Variants in ATP8B3 observed in about 807,000 individuals in gnomAD.
The protein encoded by ATP8B3 is phospholipid-transporting ATPase IK.
In ATP8B3, 141 loss-of-function variants were observed where a neutral mutation model predicts 140.9. The ratio of observed to expected loss-of-function variants is 1.00; its 90% CI spans 0.87 to 1.15. The LOEUF (loss-of-function observed/expected upper bound fraction) is 1.15. ATP8B3 is among the 50% of genes most tolerant of loss of function. The pLI, the probability that ATP8B3 is intolerant of heterozygous loss-of-function variation, is 0.00. For synonymous variants in ATP8B3, 765 were observed against 714.6 expected, an observed-to-expected ratio of 1.07 and a Z score of -1.13; for missense variants, 1,874 against 1,740.6, an observed-to-expected ratio of 1.08 and a Z score of -1.36.
chr19:1,786,000 G>C (rs939256159), intron 25 of ATP8B3, among the ~76,000 whole-genome samples: 1 of 152,062 alleles, frequency 6.6e-6, no homozygotes, highest in African/African-American at 2.4e-5. Flanking sequence ...GGGTGTGGTG[G>C]TGCGCACCTG....
rs969809845 is a variant in ATP8B3, at chr19:1,782,770, A to G, written c.*258T>C. The G allele has an allele frequency of 7.9e-6, 4 of 505,456 alleles. No homozygotes were observed. Among genetic ancestry groups the G allele is most frequent in the Admixed American group, 3.4e-5 (1 of 29,734 alleles). The allele number at this position is 505,456 out of a possible 1,614,324, so 31.3% of individuals were successfully genotyped here. ...TCTCCTTGGTCAACAGCAACTTCTCAGGAGAAGGTGGCCTCTGCTTGGGTG... is the reference window on the plus strand; with the variant it reads ...TCTCCTTGGTCAACAGCAACTTCTCGGGAGAAGGTGGCCTCTGCTTGGGTG... On this transcript the variant is annotated 3_prime_UTR_variant, in exon 29 of 29. Coordinates refer to ENST00000310127, the MANE Select transcript of ATP8B3 (RefSeq NM_138813.4).
At chr19:1,790,714 C>A (rs770276081) in intron 21 of ATP8B3, 43 bp downstream of exon 21, 2 of 1,532,006 alleles carry the variant, frequency 1.3e-6, no homozygotes, top group Admixed American at 2.0e-5. Context: ...TTGTCCTCAC[C>A]TCCCCACTCC....
In ATP8B3 at chr19:1,799,836, G is replaced by A. The variant is rs1283870372; in HGVS notation, c.1552+111C>T. The A allele has an allele frequency of 7.9e-6, 9 of 1,136,188 alleles. No homozygotes were observed. The Admixed American group carries it at 1.9e-4, about 24-fold the overall frequency. 70.4% of individuals were successfully genotyped at this position (1,136,188 alleles called of 1,614,324 possible). On this transcript the variant is annotated intron_variant, in intron 14 of 28. Transcript: ENST00000310127. ...CATCTGGCTACGGTTCCCTGGTTCAGATTCGGGCGGAGGTGCTGGGCATGG... is the reference window on the plus strand; with the variant it reads ...CATCTGGCTACGGTTCCCTGGTTCAAATTCGGGCGGAGGTGCTGGGCATGG...
Position 1,805,353 on chromosome 19 carries a change from T to C in ATP8B3, c.904+21A>G, listed in dbSNP as rs976320436. ...CTTTTACAGATTCGAGGGACGTGAC[T>C]CCCTGCTCAACGCCTCTCACCTTGA... On this transcript the variant is annotated intron_variant, in intron 10 of 28. Coordinates refer to ENST00000310127, the MANE Select transcript of ATP8B3 (RefSeq NM_138813.4). This position sits in a 1 kb window ranked among gnomAD's most constrained non-coding sequence, Gnocchi z 5.2. The C allele has an allele frequency of 4.5e-6, 7 of 1,543,722 alleles. No individual in the cohort carries two copies. In the Admixed American group the frequency reaches 1.2e-4, roughly 26 times the overall value.
At chr19:1,795,372 G>A (rs1369957371) in intron 18 of ATP8B3, among the ~76,000 whole-genome samples, 1 of 152,150 alleles carries the variant, frequency 6.6e-6, no homozygotes, top group African/African-American at 2.4e-5. Context: ...CCCACATGGC[G>A]AAAACCCATC....
chr19:1,811,544 T>C lies in ATP8B3; in HGVS notation c.193A>G (p.Arg65Gly). The C allele has an allele frequency of 6.2e-7, 1 of 1,612,424 alleles. No individual in the cohort carries two copies. Among genetic ancestry groups the C allele is most frequent in the Non-Finnish European group, 8.5e-7 (1 of 1,179,784 alleles). Residue 65 changes from arginine (R) to glycine (G), a missense_variant, in exon 2 of 29, where the codon AGG (arginine) becomes GGG (glycine). By Grantham distance (125) the Arg-to-Gly change is moderately radical (BLOSUM62 -2). Transcript: ENST00000310127. ...CGGCCAGGCTGGGCCTTGTGCCTCC[T>C]CTCAGGTGCCCCTCTGCCTGGGGAG... ...GDSPGRGAPE[R>G]RHKAQPGRAR...
At chr19:1,792,916 AAAAAAAAAAAAAAG>A (rs2068559126) in intron 18 of ATP8B3, among the ~76,000 whole-genome samples, 2 of 39,814 alleles carry the variant, frequency 5.0e-5, no homozygotes, top group Non-Finnish European at 9.6e-5. Context: ...TTCTGTTTCA[AAAAAAAAAAAAAAG>A]AAAAGAAAAC....
chr19:1,802,419 AT>A, intron 11 of ATP8B3, 67 bp downstream of exon 11: 1 of 165,446 alleles, frequency 6.0e-6, no homozygotes, highest in Non-Finnish European at 1.1e-5. Context: ...CCACCCACCC[AT>A]CCCCACATCC....
At chr19:1,790,896 C>G (rs1194385277) in intron 20 of ATP8B3, 64 bp from the exon 21 acceptor site, 2 of 1,429,520 alleles carry the variant, frequency 1.4e-6, no homozygotes, top group African/African-American at 2.8e-5. Context: ...GGGGGCCACG[C>G]CCACTCTGCC....
At chr19:1,801,525 C>T (rs559814429) in intron 12 of ATP8B3, among the ~76,000 whole-genome samples, 3 of 152,068 alleles carry the variant, frequency 2.0e-5, no homozygotes, top group Non-Finnish European at 4.4e-5. Context: ...CTGAGGAGGG[C>T]GGATTGCTTG....
chr19:1,783,295 G>C, intron 28 of ATP8B3, 25 bp from the exon 29 acceptor site: 3 of 1,598,892 alleles, frequency 1.9e-6, no homozygotes, highest in Non-Finnish European at 2.6e-6. Context: ...GGAGAGCAGG[G>C]GAAGCAGACT....
chr19:1,800,421 A>G lies in ATP8B3; in HGVS notation c.1181T>C (p.Leu394Pro). Residue 394 changes from leucine to proline, a missense_variant, in exon 13 of 29, where the codon CTG becomes CCG. This residue lies in a region of ATP8B3 where 1,032 missense variants were observed against 963.6 expected (regional missense o/e 1.07). Coordinates refer to ENST00000310127, the MANE Select transcript of ATP8B3 (RefSeq NM_138813.4). This position sits in a 1 kb window ranked among gnomAD's most constrained non-coding sequence, Gnocchi z 4.4. ...GAAACCGAAGCCGAAGGCCAACACCAGGCAGACAAGCACCACGGAGATGAA... is the reference window on the plus strand; with the variant it reads ...GAAACCGAAGCCGAAGGCCAACACCGGGCAGACAAGCACCACGGAGATGAA... ...VIFISVVLVC[L>P]VLAFGFGFSV... The G allele has an allele frequency of 6.3e-7, 1 of 1,582,622 alleles. No homozygotes were observed. Among genetic ancestry groups the G allele is most frequent in the Non-Finnish European group, 8.6e-7 (1 of 1,160,432 alleles).
chr19:1,795,996 G>T lies in ATP8B3; in HGVS notation c.1943-9C>A. On this transcript the variant is annotated splice_polypyrimidine_tract_variant and intron_variant, in intron 17 of 28. Transcript: ENST00000310127. ...GCCCTCTGGCTTTCGAACTGTGGGG[G>T]AACAGGCCCTGCTGCCCACAGAGGC... 5 of 1,612,988 alleles carry T rather than the reference G, an allele frequency of 3.1e-6. No homozygotes were observed. Among genetic ancestry groups the T allele is most frequent in the Non-Finnish European group, 4.2e-6 (5 of 1,179,734 alleles).
chr19:1,786,172 G>A (rs2068299123), intron 25 of ATP8B3, among the ~76,000 whole-genome samples: 1 of 152,064 alleles, frequency 6.6e-6, no homozygotes, highest in Non-Finnish European at 1.5e-5. Context: ...TCTGGAGGTT[G>A]GTCACTTGGC....
chr19:1,801,432 T>C (rs920618560), intron 12 of ATP8B3, among the ~76,000 whole-genome samples: 1 of 152,188 alleles, frequency 6.6e-6, no homozygotes, highest in African/African-American at 2.4e-5. Context: ...ATTACAGGCA[T>C]GAGCCATCTC....
At chr19:1,793,554 G>A (rs538923965) in intron 18 of ATP8B3, among the ~76,000 whole-genome samples, 3 of 152,116 alleles carry the variant, frequency 2.0e-5, no homozygotes, top group Non-Finnish European at 4.4e-5. Context: ...CATTTCTCAA[G>A]GGCCAGACCC....
rs369034113 is a variant in ATP8B3, at chr19:1,805,444, C to T, written c.834G>A (p.Leu278=). ...ETVDIDGETN[L]KFRQALMVTH... is the part of the protein sequence containing the mutation. ...TGACCATCAGGGCCTGTCTGAACTT[C>T]AAGTTGGTCTCCCTGGTGACGAGGA... The change falls in exon 10 of 29, where the codon TTG becomes TTA. Residue 278 remains leucine, a synonymous_variant. Coordinates refer to ENST00000310127, the MANE Select transcript of ATP8B3 (RefSeq NM_138813.4). The surrounding 1 kb of genome is among the most constrained non-coding windows in gnomAD (Gnocchi z 5.2). 4.0e-5 allele frequency: 62 copies of T among 1,563,186 alleles called. No individual in the cohort carries two copies. In the African/African-American group the frequency reaches 7.9e-4, roughly 20 times the overall value.
intron 21 of ATP8B3, 34 bp from the exon 22 acceptor site, chr19:1,790,023 G>T: frequency 6.6e-7 from 1 of 1,508,712 alleles, no homozygotes. Flanking sequence ...GGCAGGGGAG[G>T]GGGCGGGCTT....
In ATP8B3 at chr19:1,789,433, G is replaced by A. The variant is rs762824240; in HGVS notation, c.2773C>T (p.Leu925=). 1 of 1,598,244 alleles carries A rather than the reference G, an allele frequency of 6.3e-7. No homozygotes were observed. ...TPKQKALIVA[L]VKKYHQVVTL... ...ACCACCTGGTGGTACTTCTTGACCA[G>A]GGCCACGATCAGGGCCTTCTGCTTG... Residue 925 remains leucine (L), a synonymous_variant, in exon 23 of 29, where the codon CTG becomes TTG. Transcript: ENST00000310127.
Sources: gnomAD v4.1 joint callset for allele counts (sites outside exome capture counted in the v4.1 genomes callset) on GRCh38, gnomAD v4.1.1 for gene constraint, gnomAD v4.1.1 regional missense constraint, Gnocchi (gnomAD v3.1) non-coding constraint, MANE v1.5 for transcripts, NCBI Gene and HGNC (gene_info 2026-07-23, HGNC 2026-07-21) for gene names.